NFATC3: variants seen among roughly 807,000 people sequenced by gnomAD.
NFATC3 encodes the protein nuclear factor of activated T-cells, cytoplasmic 3.
In NFATC3, 46 loss-of-function variants were observed where a neutral mutation model predicts 98.6. The ratio of observed to expected loss-of-function variants is 0.47; its 90% confidence interval spans 0.37 to 0.60. The LOEUF is 0.60. Ranked by LOEUF, NFATC3 falls within the 20% of genes least tolerant of loss-of-function variation. The probability of loss-of-function intolerance (pLI) is 0.00; values close to 1 mark genes in which losing one functional copy is unlikely to be tolerated. For synonymous variants in NFATC3, 512 were observed against 472.2 expected, an observed-to-expected ratio of 1.08 and a Z score of -1.09; for missense variants, 1,256 against 1,295.5, an observed-to-expected ratio of 0.97 and a Z score of 0.47.
At chr16:68,191,869 G>A in intron 9 of NFATC3, 94 bp downstream of exon 9, 2 of 1,335,258 alleles carry the variant, frequency 1.5e-6, no homozygotes, top group Admixed American at 4.1e-5. Context: ...ATTGCTTATT[G>A]GCATATGGTT....
At chr16:68,180,332 A>G (rs1300254664) in intron 6 of NFATC3, among the ~76,000 whole-genome samples, 1 of 152,136 alleles carries the variant, frequency 6.6e-6, no homozygotes, top group African/African-American at 2.4e-5. Context: ...TGGATACCAT[A>G]AAGAGACATT....
intron 3 of NFATC3, among the ~76,000 whole-genome samples, chr16:68,154,268 T>C (rs2038493540): frequency 6.6e-6 from 1 of 152,152 alleles, no homozygotes; most frequent in Non-Finnish European, 1.5e-5. Context: ...GTACTGAAGC[T>C]CAGATCTGAC....
Position 68,190,955 on chromosome 16 carries a change from C to G in NFATC3, c.2286C>G (p.Ser762=), listed in dbSNP as rs746813914. 32 of 1,614,182 alleles carry G rather than the reference C, an allele frequency of 2.0e-5. No homozygotes were observed. The highest frequency in any genetic ancestry group is 2.6e-5 in the Non-Finnish European group (31 of 1,180,018). The change falls in exon 9 of 10, where the codon TCC becomes TCG. Residue 762 remains serine (S), a synonymous_variant. Transcript: ENST00000346183. ...PQTYASMVTS[S]HLPQLQCRDE... ...CATATGCATCCATGGTGACCTCATC[C>G]CATCTGCCACAGTTGCAGTGTAGAG...
At chr16:68,112,646 G>T (rs13338864) in intron 1 of NFATC3, among the ~76,000 whole-genome samples, 17,684 of 97,770 alleles carry the variant, frequency 0.18, 1,675 homozygotes, top group African/African-American at 0.26. Flanking sequence ...TTTCTTTTTC[G>T]TTTTTTTTTT....
chr16:68,193,715 C>T (rs917982781), intron 9 of NFATC3, among the ~76,000 whole-genome samples: 4 of 152,022 alleles, frequency 2.6e-5, no homozygotes, highest in Non-Finnish European at 5.9e-5. Context: ...ATTTCACATT[C>T]GAGAATATTC....
chr16:68,112,232 C>T (rs2035982677), intron 1 of NFATC3, among the ~76,000 whole-genome samples: 1 of 150,868 alleles, frequency 6.6e-6, no homozygotes, highest in Non-Finnish European at 1.5e-5. Flanking sequence ...ATGCGATCTC[C>T]CCGTCTCTTT....
chr16:68,095,882 T>G (rs2034993787), intron 1 of NFATC3, among the ~76,000 whole-genome samples: 1 of 152,334 alleles, frequency 6.6e-6, no homozygotes, highest in Non-Finnish European at 1.5e-5. Context: ...GTGGTTCAGG[T>G]GGAACCTGAT....
At chr16:68,220,723 C>A (rs1290629043) in intron 9 of NFATC3, among the ~76,000 whole-genome samples, 2 of 142,854 alleles carry the variant, frequency 1.4e-5, no homozygotes, top group Non-Finnish European at 3.0e-5. Context: ...CTGGCTAACA[C>A]GGTGAAACCC....
At chr16:68,164,776 A>T (rs1454174823) in intron 4 of NFATC3, among the ~76,000 whole-genome samples, 1 of 152,100 alleles carries the variant, frequency 6.6e-6, no homozygotes, top group Non-Finnish European at 1.5e-5. Flanking sequence ...GCTACTTGGG[A>T]GGCTGAGGCA....
Position 68,207,772 on chromosome 16 carries a change from A to G in NFATC3, c.3106+15997A>G, listed in dbSNP as rs897125660. On this transcript the variant is annotated intron_variant, in intron 9 of 9. Coordinates refer to ENST00000346183, the MANE Select transcript of NFATC3 (RefSeq NM_173165.3). ...CCACCAAGCCCAGCCTCCATGTTCA[A>G]CTTTTTGAGGAACCACTATTTTTTT... Among the ~76,000 whole-genome samples the G allele has an allele frequency of 2.0e-5, 3 of 151,978 alleles. No individual in the cohort carries two copies. The East Asian group carries it at 5.8e-4, about 29-fold the overall frequency.
chr16:68,096,410 TA>T (rs2035022312), intron 1 of NFATC3, among the ~76,000 whole-genome samples: 1 of 152,320 alleles, frequency 6.6e-6, no homozygotes, highest in African/African-American at 2.4e-5. Flanking sequence ...GATCTTAGAG[TA>T]ACTGAGCTGG....
At chr16:68,141,460 G>A (rs2037749116) in intron 3 of NFATC3, among the ~76,000 whole-genome samples, 1 of 152,058 alleles carries the variant, frequency 6.6e-6, no homozygotes, top group Non-Finnish European at 1.5e-5. Context: ...TCATCACATC[G>A]ATGCCAACAT....
intron 6 of NFATC3, among the ~76,000 whole-genome samples, chr16:68,175,398 T>TA (rs2151614423): frequency 6.6e-6 from 1 of 152,362 alleles, no homozygotes; most frequent in South Asian, 2.1e-4. Context: ...TAGTATACTT[T>TA]AAAAGGATGG....
At chr16:68,091,735 T>C (rs1208492395) in intron 1 of NFATC3, among the ~76,000 whole-genome samples, 1 of 152,238 alleles carries the variant, frequency 6.6e-6, no homozygotes, top group African/African-American at 2.4e-5. Context: ...AGCAGTAGTT[T>C]GCTCACAGCA....
At chr16:68,224,724 G>A (rs1167138128) in intron 9 of NFATC3, 2 of 151,878 alleles carry the variant, frequency 1.3e-5, no homozygotes, top group Admixed American at 1.3e-4. Context: ...ATAGCCATAT[G>A]AGTTTGAGAA....
chr16:68,190,701 A>G (rs758537118), intron 8 of NFATC3, 67 bp from the exon 9 acceptor site: 3 of 1,491,400 alleles, frequency 2.0e-6, no homozygotes, highest in South Asian at 1.3e-5. Flanking sequence ...GTAACCTAGC[A>G]TGAAGGCCTG....
intron 1 of NFATC3, among the ~76,000 whole-genome samples, chr16:68,097,199 A>G (rs1431366367): frequency 6.6e-6 from 1 of 152,182 alleles, no homozygotes; most frequent in East Asian, 1.9e-4. Flanking sequence ...GGAGGGAGAA[A>G]GGTGATTCAT....
intron 9 of NFATC3, among the ~76,000 whole-genome samples, chr16:68,211,519 G>GT (rs1269777834): frequency 6.7e-6 from 1 of 148,292 alleles, no homozygotes; most frequent in African/African-American, 2.5e-5. Flanking sequence ...TTTTGTTGTT[G>GT]TTGTTGTTGT....
At chr16:68,158,450 C>G (rs1377716579) in intron 4 of NFATC3, among the ~76,000 whole-genome samples, 1 of 152,148 alleles carries the variant, frequency 6.6e-6, no homozygotes, top group Non-Finnish European at 1.5e-5. Flanking sequence ...CCACTTGACC[C>G]ATTTCCAAAT....
Sources: gnomAD v4.1 joint callset for allele counts (sites outside exome capture counted in the v4.1 genomes callset) on GRCh38, gnomAD v4.1.1 for gene constraint, MANE v1.5 for transcripts, NCBI Gene and HGNC (gene_info 2026-07-23, HGNC 2026-07-21) for gene names.